The following GPR137B variants were observed in gnomAD, a reference collection of about 807,000 sequenced individuals.
GPR137B encodes the protein G protein-coupled receptor 137B.
Under a neutral mutation model 42.5 loss-of-function variants are expected in GPR137B, and 42 were observed. That is an observed-to-expected ratio of 0.99 (90% confidence interval 0.77 to 1.28). The LOEUF is 1.28. Ranked by LOEUF, GPR137B falls within the 50% of genes most tolerant of loss-of-function variation. The probability of loss-of-function intolerance (pLI) is 0.00; values close to 1 mark genes in which losing one functional copy is unlikely to be tolerated. For missense variants in GPR137B, 487 were observed against 493.9 expected, an observed-to-expected ratio of 0.99 and a Z score of 0.13; for synonymous variants, 218 against 209.7, an observed-to-expected ratio of 1.04 and a Z score of -0.34.
intron 1 of GPR137B, among the ~76,000 whole-genome samples, chr1:236,166,792 C>A (rs1190775412): frequency 6.6e-6 from 1 of 151,924 alleles, no homozygotes; most frequent in Non-Finnish European, 1.5e-5. Context: ...AGCCATTGTG[C>A]CTGGCCGTCA....
chr1:236,195,788 G>A (rs1663315588), intron 5 of GPR137B, among the ~76,000 whole-genome samples: 2 of 152,140 alleles, frequency 1.3e-5, no homozygotes, highest in East Asian at 3.9e-4. Flanking sequence ...TTAGATATAA[G>A]CGATTATAAC....
At position 236,171,934 on chromosome 1, in the gene GPR137B, G is replaced by A. The variant is rs754517182; in HGVS notation, c.464+3179G>A. ...CATGCCTGTAATCCCAGCTACTTGG[G>A]AGGCTGAGGCAGGAGAATCACTTGA... On this transcript the variant is annotated intron_variant, in intron 2 of 6. Coordinates refer to ENST00000366592, the MANE Select transcript of GPR137B (RefSeq NM_003272.4). This position sits in a 1 kb window ranked among gnomAD's most constrained non-coding sequence, Gnocchi z 4.4. Among the ~76,000 whole-genome samples the A allele has an allele frequency of 1.4e-4, 21 of 152,198 alleles. No homozygotes were observed. In the Middle Eastern group the frequency reaches 0.01, roughly 74 times the overall value.
intron 5 of GPR137B, among the ~76,000 whole-genome samples, chr1:236,202,752 G>A (rs1247610311): frequency 6.6e-6 from 1 of 152,214 alleles, no homozygotes; most frequent in Non-Finnish European, 1.5e-5. Context: ...TGATGGCAGT[G>A]CCCATAGGGA....
chr1:236,178,785 GTTTTTTTTTT>G (rs3082534), intron 3 of GPR137B, 149 bp downstream of exon 3: 587 of 49,494 alleles, frequency 0.012, 8 homozygotes, highest in South Asian at 0.051. Context: ...GCTACTCGAG[GTTTTTTTTTT>G]TTTTTTTTTT....
At position 236,188,530 on chromosome 1, in the gene GPR137B, G is replaced by A. The variant is rs889686648; in HGVS notation, c.966+4624G>A. On this transcript the variant is annotated intron_variant, in intron 5 of 6. Transcript: ENST00000366592. ...TTTATGGAGAGTTTTTACCATGAAC[G>A]GGTGTTGAATTTTGTCGAAGGTCTT... Among the ~76,000 whole-genome samples, 6 of 152,138 alleles carry A rather than the reference G, an allele frequency of 3.9e-5. No homozygotes were observed. The East Asian group carries it at 9.6e-4, about 24-fold the overall frequency.
intron 1 of GPR137B, among the ~76,000 whole-genome samples, chr1:236,151,603 T>C (rs371946932): frequency 6.8e-4 from 104 of 151,918 alleles, no homozygotes; most frequent in African/African-American, 2.4e-3. Context: ...TTTGTATTTT[T>C]AGTAGAGACG....
At chr1:236,168,881 G>A in intron 2 of GPR137B, 126 bp downstream of exon 2, 1 of 745,696 alleles carries the variant, frequency 1.3e-6, no homozygotes, top group East Asian at 2.5e-5. Flanking sequence ...CCTGCCTGCT[G>A]GCTGGCTGCC....
chr1:236,208,236 C>T lies in GPR137B; in HGVS notation c.*78C>T, dbSNP rs958124940. 15 of 1,553,584 alleles carry T rather than the reference C, an allele frequency of 9.7e-6. No homozygotes were observed. Among genetic ancestry groups the T allele is most frequent in the Non-Finnish European group, 1.3e-5 (15 of 1,153,494 alleles). ...CATAGTGACAGCTGAATTTTTAGGG[C>T]ACTTTTCCTTAAGAAATAGAACTTG... On this transcript the variant is annotated 3_prime_UTR_variant, in exon 7 of 7. Coordinates refer to ENST00000366592, the MANE Select transcript of GPR137B (RefSeq NM_003272.4).
At position 236,173,384 on chromosome 1, in the gene GPR137B, GAAAGACAGGTAGGGAA is replaced by G. The variant is rs1662602674; in HGVS notation, c.464+4631_464+4646del. On this transcript the variant is annotated intron_variant, in intron 2 of 6. Transcript: ENST00000366592. The stretch of plus-strand genomic sequence containing the variant: ...GAAGAAACGAAGGAAGGGAAAGAGA[GAAAGACAGGTAGGGAA>G]AGAGAGAGAGAGAGAGAGGAAGGAG... Among the ~76,000 whole-genome samples the G allele has an allele frequency of 6.8e-5, 10 of 147,216 alleles. No homozygotes were observed. In the South Asian group the frequency reaches 2.2e-3, roughly 33 times the overall value.
At chr1:236,163,273 C>T (rs996132695) in intron 1 of GPR137B, among the ~76,000 whole-genome samples, 1 of 152,214 alleles carries the variant, frequency 6.6e-6, no homozygotes, top group Admixed American at 6.5e-5. Flanking sequence ...CCTGTATCTC[C>T]ATTGTATCTA....
Position 236,179,876 on chromosome 1 carries a change from C to T in GPR137B, c.688-3C>T. The T allele has an allele frequency of 2.6e-6, 4 of 1,568,316 alleles. No individual in the cohort carries two copies. Among genetic ancestry groups the T allele is most frequent in the Admixed American group, 1.8e-5 (1 of 54,516 alleles). On this transcript the variant is annotated splice_polypyrimidine_tract_variant and splice_region_variant and intron_variant, in intron 3 of 6. Coordinates refer to ENST00000366592, the MANE Select transcript of GPR137B (RefSeq NM_003272.4). ...CCCATACCTTCTGCTCCCTCTTTTC[C>T]AGGGCTCCTCCGTGTGTCAAGTGAC...
intron 5 of GPR137B, among the ~76,000 whole-genome samples, chr1:236,186,018 A>T (rs545729368): frequency 4.6e-5 from 7 of 151,398 alleles, no homozygotes; most frequent in African/African-American, 1.7e-4. Context: ...GAATGGAATC[A>T]TATGGCATGT....
At chr1:236,157,324 C>T (rs1662060878) in intron 1 of GPR137B, among the ~76,000 whole-genome samples, 1 of 151,878 alleles carries the variant, frequency 6.6e-6, no homozygotes, top group Non-Finnish European at 1.5e-5. Context: ...TCCTGGTTCA[C>T]GCCATTCTCC....
chr1:236,163,446 G>A lies in GPR137B; in HGVS notation c.415-5260G>A, dbSNP rs190787833. On this transcript the variant is annotated intron_variant, in intron 1 of 6. Coordinates refer to ENST00000366592, the MANE Select transcript of GPR137B (RefSeq NM_003272.4). ...ATGATTGGTTTTGAAATGTGAGGAC[G>A]TGAGATTAGGAGGGGCCAGGGATGG... 3.0e-4 allele frequency among the ~76,000 whole-genome samples: 45 copies of A among 152,268 alleles called. No homozygotes were observed. In the East Asian group the frequency reaches 6.0e-3, roughly 20 times the overall value.
At chr1:236,207,675 C>T (rs1456619846) in intron 6 of GPR137B, among the ~76,000 whole-genome samples, 1 of 152,222 alleles carries the variant, frequency 6.6e-6, no homozygotes, top group Non-Finnish European at 1.5e-5. Flanking sequence ...TAATATTACT[C>T]CCATTCTAAG....
chr1:236,164,886 AAGAGAGAGAGAGAGAGAG>A (rs10581092), intron 1 of GPR137B, among the ~76,000 whole-genome samples: 20 of 143,872 alleles, frequency 1.4e-4, no homozygotes, highest in African/African-American at 4.8e-4. Context: ...AGATGAATTC[AAGAGAGAGAGAGAGAGAG>A]AGAGAGAGAG....
Position 236,170,039 on chromosome 1 carries a change from CAA to C in GPR137B, c.464+1308_464+1309del, listed in dbSNP as rs11346365. On this transcript the variant is annotated intron_variant, in intron 2 of 6. Transcript: ENST00000366592. The stretch of plus-strand genomic sequence containing the variant: ...TGGGCAACAGAGTGAGAATCCATCT[CAA>C]AAAAAAAAAAAAAAAAAAAAAAAGA... Among the ~76,000 whole-genome samples the C allele has an allele frequency of 9.8e-3, 360 of 36,800 alleles. 1 individual carries two copies. Among genetic ancestry groups the C allele is most frequent in the African/African-American group, 0.021 (321 of 15,106 alleles). The allele number at this position is 36,800 out of a possible 152,430, so 24.1% of individuals were successfully genotyped here.
intron 2 of GPR137B, among the ~76,000 whole-genome samples, chr1:236,173,074 C>G (rs1662590591): frequency 6.6e-6 from 1 of 151,412 alleles, no homozygotes; most frequent in Non-Finnish European, 1.5e-5. Flanking sequence ...GGGAGCATCA[C>G]TTGAGCCCAG....
chr1:236,205,306 T>A, intron 6 of GPR137B, 56 bp downstream of exon 6: 1 of 1,470,102 alleles, frequency 6.8e-7, no homozygotes. Context: ...GTTACACCAG[T>A]TAAATAGATT....
Sources: allele counts gnomAD v4.1 joint callset (sites outside exome capture counted in the v4.1 genomes callset), GRCh38; gene constraint gnomAD v4.1.1; non-coding constraint Gnocchi (gnomAD v3.1); transcripts MANE v1.5; gene names NCBI Gene and HGNC (gene_info 2026-07-23, HGNC 2026-07-21).